The following MAPK10 variants were observed in gnomAD, a reference collection of about 807,000 sequenced individuals.
MAPK10 encodes mitogen-activated protein kinase 10.
A neutral mutation model predicts 59.3 loss-of-function variants in MAPK10; 25 were observed. The ratio of observed to expected loss-of-function variants is 0.42; its 90% CI spans 0.31 to 0.59. MAPK10 has a LOEUF of 0.59. Among genes scored for constraint, MAPK10 ranks in the 20% least tolerant of loss-of-function variants. The probability of loss-of-function intolerance (pLI) is 0.15; values close to 1 mark genes in which losing one functional copy is unlikely to be tolerated. For synonymous variants in MAPK10, 190 were observed against 200.5 expected, an observed-to-expected ratio of 0.95 and a Z score of 0.44; for missense variants, 351 against 568.9, an observed-to-expected ratio of 0.62 and a Z score of 3.90.
In MAPK10 at chr4:86,365,431, C is replaced by CAAAAAAAAAAAAAAAAAAAAA. The variant is rs70948789; in HGVS notation, c.-121-10808_-121-10788dup. ...TGGGCAACAGGGTGAGACTCTGTCTCAAAAAAAAAAAAAAAAAAAAAAAAA... is the reference window on the plus strand; with the variant it reads ...TGGGCAACAGGGTGAGACTCTGTCTCAAAAAAAAAAAAAAAAAAAAAAAAAAAAAAAAAAAAAAAAAAAAAA... On this transcript the variant is annotated intron_variant, in intron 1 of 13. Coordinates refer to the MAPK10 transcript ENST00000361569. 4.9e-4 allele frequency among the ~76,000 whole-genome samples: 16 copies of CAAAAAAAAAAAAAAAAAAAAA among 32,450 alleles called. 5 individuals carry two copies. Among genetic ancestry groups the CAAAAAAAAAAAAAAAAAAAAA allele is most frequent in the Admixed American group, 1.2e-3 (2 of 1,718 alleles). The allele number at this position is 32,450 out of a possible 152,430, so 21.3% of individuals were successfully genotyped here. A position where few individuals can be genotyped will look rare whatever the true frequency, so the allele number is the denominator to read the frequency against.
chr4:86,263,285 G>C (rs1386234953), intron 2 of MAPK10, among the ~76,000 whole-genome samples: 5 of 152,100 alleles, frequency 3.3e-5, no homozygotes, highest in Non-Finnish European at 7.4e-5. Flanking sequence ...GTTTCTTTAA[G>C]ATCCTCAACT....
intron 2 of MAPK10, among the ~76,000 whole-genome samples, chr4:86,259,247 A>T (rs1394130527): frequency 6.6e-6 from 1 of 152,094 alleles, no homozygotes; most frequent in Non-Finnish European, 1.5e-5. Flanking sequence ...CCTTCATGTT[A>T]GCTTCTGAAA....
chr4:86,349,852 C>A (rs1730256383), intron 2 of MAPK10, among the ~76,000 whole-genome samples: 1 of 152,114 alleles, frequency 6.6e-6, no homozygotes, highest in African/African-American at 2.4e-5. Context: ...ATCATAGAGT[C>A]ACAAACGTCT....
chr4:86,115,387 G>A lies in MAPK10; in HGVS notation c.237-8035C>T, dbSNP rs116517836. ...CCAACTGCCTATTCAGTCCCAGTGA[G>A]AGAACCTGGATACGTCAGTTGATGG... On this transcript the variant is annotated intron_variant, in intron 4 of 13. Coordinates refer to ENST00000641462, the MANE Select transcript of MAPK10 (RefSeq NM_138982.4). Among the ~76,000 whole-genome samples the A allele has an allele frequency of 4.0e-3, 601 of 152,142 alleles. 6 individuals carry two copies. The highest frequency in any genetic ancestry group is 0.014 in the African/African-American group (578 of 41,508).
intron 2 of MAPK10, among the ~76,000 whole-genome samples, chr4:86,350,339 C>T (rs1175274656): frequency 4.6e-5 from 7 of 152,188 alleles, no homozygotes; most frequent in Middle Eastern, 3.4e-3. Flanking sequence ...CTCAGCCTCT[C>T]AAGTAGCTGG....
chr4:86,581,899 T>TA (rs1491520600), intron 1 of MAPK10, among the ~76,000 whole-genome samples: 3 of 91,578 alleles, frequency 3.3e-5, no homozygotes, highest in African/African-American at 9.6e-5. Flanking sequence ...GCTATATATA[T>TA]TATATATATA....
intron 1 of MAPK10, among the ~76,000 whole-genome samples, chr4:86,530,437 A>G (rs756358426): frequency 6.6e-6 from 1 of 152,176 alleles, no homozygotes; most frequent in Non-Finnish European, 1.5e-5. Context: ...ACCAATATGT[A>G]CCACAGCACA....
intron 1 of MAPK10, among the ~76,000 whole-genome samples, chr4:86,404,222 T>C (rs577074628): frequency 6.6e-6 from 1 of 152,282 alleles, no homozygotes; most frequent in South Asian, 2.1e-4. Context: ...TGAAATGTTT[T>C]TCACACAGTG....
At chr4:86,516,841 A>G (rs772996296) in intron 1 of MAPK10, among the ~76,000 whole-genome samples, 2 of 152,196 alleles carry the variant, frequency 1.3e-5, no homozygotes, top group Admixed American at 6.5e-5. Flanking sequence ...CTAGCTATGC[A>G]ATCATATCAC....
chr4:86,320,986 G>A (rs1482775532), intron 2 of MAPK10, among the ~76,000 whole-genome samples: 1 of 152,164 alleles, frequency 6.6e-6, no homozygotes, highest in African/African-American at 2.4e-5. Context: ...ATGAAAAAAT[G>A]CTCACCATCA....
At chr4:86,115,524 C>A (rs1399673947) in intron 4 of MAPK10, among the ~76,000 whole-genome samples, 6 of 152,104 alleles carry the variant, frequency 3.9e-5, no homozygotes, top group Non-Finnish European at 7.4e-5. Flanking sequence ...TCCAATGGCA[C>A]GATCTTGGCT....
At chr4:86,092,018 G>A (rs9884282) in intron 9 of MAPK10, among the ~76,000 whole-genome samples, 34,237 of 151,814 alleles carry the variant, frequency 0.23, 4,081 homozygotes, top group South Asian at 0.26. Context: ...ATATCTCACA[G>A]TTCTCTTTTT....
intron 4 of MAPK10, among the ~76,000 whole-genome samples, chr4:86,113,134 A>G (rs1217444934): frequency 1.3e-5 from 2 of 152,106 alleles, no homozygotes; most frequent in Non-Finnish European, 2.9e-5. Flanking sequence ...GGCCTCTTGA[A>G]TATAGCACAC....
In MAPK10 at chr4:86,067,846, A is replaced by G. The variant is rs575131489; in HGVS notation, c.912T>C (p.Tyr304=). 6.6e-5 allele frequency: 107 copies of G among 1,614,048 alleles called. 1 individual carries two copies. The South Asian group carries it at 1.1e-3, about 17-fold the overall frequency. Residue 304 remains tyrosine (Y), a synonymous_variant, in exon 10 of 14, where the codon TAT becomes TAC. Coordinates refer to ENST00000641462, the MANE Select transcript of MAPK10 (RefSeq NM_138982.4). ...VRNYVENRPK[Y]AGLTFPKLFP... is the part of the protein sequence containing the mutation. ...AGAGTTTGGGGAAGGTGAGTCCCGC[A>G]TACTTGGGCCGATTCTCCACATAGT...
chr4:86,287,816 A>T (rs2095075522), intron 2 of MAPK10, among the ~76,000 whole-genome samples: 1 of 152,212 alleles, frequency 6.6e-6, no homozygotes, highest in South Asian at 2.1e-4. Flanking sequence ...GTCTGATCTA[A>T]TGTTTCTTCA....
At position 86,017,126 on chromosome 4, in the gene MAPK10, A is replaced by G. The variant is rs1743624063; in HGVS notation, c.*102T>C. On this transcript the variant is annotated 3_prime_UTR_variant, in exon 14 of 14. Coordinates refer to ENST00000641462, the MANE Select transcript of MAPK10 (RefSeq NM_138982.4). The surrounding 1 kb of genome is among the most constrained non-coding windows in gnomAD (Gnocchi z 4.4). ...GATTCTCTCCCTTGCTGTTTTCTTG[A>G]TGTTGTGTGTCTGCATTTGTGTGTG... 1.6e-6 allele frequency: 2 copies of G among 1,264,990 alleles called. No homozygotes were observed. The highest frequency in any genetic ancestry group is 3.0e-5 in the African/African-American group (2 of 66,704). 78.4% of individuals were successfully genotyped at this position (1,264,990 alleles called of 1,614,324 possible).
At chr4:86,145,897 A>C (rs1465492035) in intron 4 of MAPK10, among the ~76,000 whole-genome samples, 2 of 152,152 alleles carry the variant, frequency 1.3e-5, no homozygotes, top group Non-Finnish European at 2.9e-5. Flanking sequence ...TTTACCTTTG[A>C]GGTTGCAAGC....
intron 2 of MAPK10, among the ~76,000 whole-genome samples, chr4:86,199,955 T>A (rs1319536554): frequency 6.6e-6 from 1 of 152,012 alleles, no homozygotes; most frequent in Non-Finnish European, 1.5e-5. Flanking sequence ...AATTAATAAA[T>A]TATAGAACTT....
intron 1 of MAPK10, among the ~76,000 whole-genome samples, chr4:86,476,500 T>G (rs1172409370): frequency 6.6e-6 from 1 of 152,192 alleles, no homozygotes; most frequent in Non-Finnish European, 1.5e-5. Context: ...CCCAGCCCAG[T>G]TCATGGCTCA....
Sources: gnomAD v4.1 joint callset for allele counts (sites outside exome capture counted in the v4.1 genomes callset) on GRCh38, gnomAD v4.1.1 for gene constraint, Gnocchi (gnomAD v3.1) non-coding constraint, MANE v1.5 for transcripts, NCBI Gene and HGNC (gene_info 2026-07-23, HGNC 2026-07-21) for gene names.